KIAA1328: variants seen among roughly 807,000 people sequenced by gnomAD.
The protein encoded by KIAA1328 is protein hinderin.
KIAA1328 carries 52 observed loss-of-function variants against 68.1 expected under a neutral mutation model. The ratio of observed to expected loss-of-function variants is 0.76; its 90% CI spans 0.61 to 0.96. The LOEUF (loss-of-function observed/expected upper bound fraction) is 0.96, where lower values mean the gene tolerates loss of function less well. Among genes scored for constraint, KIAA1328 ranks in the 40% least tolerant of loss-of-function variants. The pLI is 0.00. For missense variants in KIAA1328, 641 were observed against 677.6 expected, an observed-to-expected ratio of 0.95 and a Z score of 0.60; for synonymous variants, 232 against 239.4, an observed-to-expected ratio of 0.97 and a Z score of 0.28.
intron 7 of KIAA1328, among the ~76,000 whole-genome samples, chr18:37,086,199 G>T (rs1370433012): frequency 6.6e-6 from 1 of 152,140 alleles, no homozygotes; most frequent in Non-Finnish European, 1.5e-5. Flanking sequence ...ATGTCATATA[G>T]TTGAATATTA....
chr18:36,890,427 T>A lies in KIAA1328; in HGVS notation c.448+4755T>A, dbSNP rs112929264. Reference sequence around the variant, plus strand: ...GGCTCACGCTTATAATCCCAGCACTTTGGGAGGCCAAGGCAGGCGGATCAC... The same window carrying A: ...GGCTCACGCTTATAATCCCAGCACTATGGGAGGCCAAGGCAGGCGGATCAC... On this transcript the variant is annotated intron_variant, in intron 5 of 9. Coordinates refer to ENST00000280020, the MANE Select transcript of KIAA1328 (RefSeq NM_020776.3). Among the ~76,000 whole-genome samples the A allele has an allele frequency of 8.3e-3, 1,264 of 152,168 alleles. 19 individuals carry two copies. The highest frequency in any genetic ancestry group is 0.028 in the African/African-American group (1,182 of 41,522).
At chr18:36,868,084 T>G (rs1227792773) in intron 4 of KIAA1328, among the ~76,000 whole-genome samples, 1 of 152,212 alleles carries the variant, frequency 6.6e-6, no homozygotes, top group Non-Finnish European at 1.5e-5. Context: ...TTTTGCTTGT[T>G]TTAGCCATGC....
chr18:36,932,029 ACTTT>A (rs1431608337), intron 5 of KIAA1328, among the ~76,000 whole-genome samples: 3 of 152,128 alleles, frequency 2.0e-5, no homozygotes, highest in Non-Finnish European at 4.4e-5. Flanking sequence ...CCTTTTCCAT[ACTTT>A]CTATCAGTTT....
chr18:37,088,036 A>G (rs1033828157), intron 7 of KIAA1328, among the ~76,000 whole-genome samples: 1 of 152,114 alleles, frequency 6.6e-6, no homozygotes, highest in Non-Finnish European at 1.5e-5. Context: ...CTGTGCTTTC[A>G]CTACCATCTG....
chr18:37,094,649 A>T (rs573301379), intron 7 of KIAA1328, among the ~76,000 whole-genome samples: 1 of 152,346 alleles, frequency 6.6e-6, no homozygotes, highest in African/African-American at 2.4e-5. Flanking sequence ...TAATGATAAC[A>T]AAAAAGAAAG....
At chr18:37,121,416 TTCTATCTA>T (rs59343128) in intron 7 of KIAA1328, among the ~76,000 whole-genome samples, 537 of 148,816 alleles carry the variant, frequency 3.6e-3, no homozygotes, top group Middle Eastern at 0.017. Context: ...ATTTTAGGAC[TTCTATCTA>T]TCTATCTATC....
chr18:36,837,019 T>C (rs1453693166), intron 3 of KIAA1328, among the ~76,000 whole-genome samples: 1 of 152,190 alleles, frequency 6.6e-6, no homozygotes, highest in Non-Finnish European at 1.5e-5. Context: ...TCAATGGACA[T>C]GTTCAACTTT....
At chr18:37,143,785 T>A (rs968095846) in intron 7 of KIAA1328, among the ~76,000 whole-genome samples, 16 of 152,120 alleles carry the variant, frequency 1.1e-4, no homozygotes, top group Non-Finnish European at 1.5e-5. Context: ...GATATAATCA[T>A]GTGGTTTTGC....
At chr18:37,061,492 G>A (rs2056145664) in intron 6 of KIAA1328, among the ~76,000 whole-genome samples, 1 of 152,030 alleles carries the variant, frequency 6.6e-6, no homozygotes, top group African/African-American at 2.4e-5. Context: ...ACGCCTCAAT[G>A]TTTTAAAAAA....
At chr18:36,968,050 C>T (rs2052016069) in intron 6 of KIAA1328, among the ~76,000 whole-genome samples, 1 of 152,114 alleles carries the variant, frequency 6.6e-6, no homozygotes, top group African/African-American at 2.4e-5. Flanking sequence ...ACTTCCCCAA[C>T]CTAGCTAGAC....
chr18:37,171,526 T>G (rs887382716), intron 8 of KIAA1328, among the ~76,000 whole-genome samples: 14 of 152,202 alleles, frequency 9.2e-5, no homozygotes, highest in African/African-American at 3.1e-4. Flanking sequence ...TCTCTTTATG[T>G]GATAGTCAAG....
At chr18:37,015,593 A>G (rs2054125299) in intron 6 of KIAA1328, among the ~76,000 whole-genome samples, 1 of 152,066 alleles carries the variant, frequency 6.6e-6, no homozygotes, top group Admixed American at 6.5e-5. Flanking sequence ...TTTGGGCAGT[A>G]TGGCCATTTT....
intron 6 of KIAA1328, among the ~76,000 whole-genome samples, chr18:37,005,147 G>C (rs2053732307): frequency 6.6e-6 from 1 of 151,810 alleles, no homozygotes; most frequent in Non-Finnish European, 1.5e-5. Context: ...ATACTGTTTG[G>C]GTGATGAGTG....
chr18:36,946,329 T>A lies in KIAA1328; in HGVS notation c.449-12979T>A, dbSNP rs551424495. The A allele has an allele frequency of 7.2e-5, 11 of 152,290 alleles. No homozygotes were observed. In the East Asian group the frequency reaches 2.1e-3, roughly 29 times the overall value. The allele number at this position is 152,290 out of a possible 1,614,324, so 9.4% of individuals were successfully genotyped here. ...GAGGAAGCAAAGGAGTCCAATAATGTATTACATTTCAACATAAAGGAGAAG... is the reference window on the plus strand; with the variant it reads ...GAGGAAGCAAAGGAGTCCAATAATGAATTACATTTCAACATAAAGGAGAAG... On this transcript the variant is annotated intron_variant, in intron 5 of 9. Coordinates refer to ENST00000280020, the MANE Select transcript of KIAA1328 (RefSeq NM_020776.3).
chr18:37,217,328 G>A (rs1049220792), intron 9 of KIAA1328, among the ~76,000 whole-genome samples: 2 of 152,054 alleles, frequency 1.3e-5, no homozygotes, highest in Non-Finnish European at 2.9e-5. Context: ...TCCATGTTTA[G>A]TGCTTCCTTC....
At chr18:37,227,627 T>A (rs1357218671), downstream of KIAA1328, among the ~76,000 whole-genome samples, 3 of 152,236 alleles carry the variant, frequency 2.0e-5, no homozygotes, top group Non-Finnish European at 4.4e-5. Context: ...CTGAATATTT[T>A]AAGCACACTG....
intron 6 of KIAA1328, among the ~76,000 whole-genome samples, chr18:37,029,664 A>G (rs1001665160): frequency 1.1e-4 from 16 of 152,126 alleles, no homozygotes; most frequent in African/African-American, 3.4e-4. Context: ...CTATATTTAT[A>G]TGGGATATTA....
chr18:36,906,113 TC>T (rs1409679036), intron 5 of KIAA1328, among the ~76,000 whole-genome samples: 1 of 152,142 alleles, frequency 6.6e-6, no homozygotes, highest in Non-Finnish European at 1.5e-5. Context: ...ACAGCTTTCC[TC>T]CCCTCTTTCA....
intron 6 of KIAA1328, among the ~76,000 whole-genome samples, chr18:37,035,748 T>C (rs1252655924): frequency 6.6e-6 from 1 of 152,204 alleles, no homozygotes; most frequent in African/African-American, 2.4e-5. Flanking sequence ...AAACTAATTT[T>C]GGTTTGGTGT....
Sources: allele counts gnomAD v4.1 joint callset (sites outside exome capture counted in the v4.1 genomes callset), GRCh38; gene constraint gnomAD v4.1.1; transcripts MANE v1.5; gene names NCBI Gene and HGNC (gene_info 2026-07-23, HGNC 2026-07-21).